The following TJP1 variants were observed in gnomAD, a reference collection of about 807,000 sequenced individuals.
TJP1 encodes the protein tight junction protein ZO-1.
A neutral mutation model predicts 194.2 loss-of-function variants in TJP1; 43 were observed. The observed-to-expected ratio is 0.22, with a 90% confidence interval of 0.17 to 0.29. The LOEUF is 0.29. Ranked by LOEUF, TJP1 falls within the 10% of genes least tolerant of loss-of-function variation. The pLI, the probability that TJP1 is intolerant of heterozygous loss-of-function variation, is 1.00. For synonymous variants in TJP1, 801 were observed against 779.0 expected (o/e 1.03, Z -0.47); for missense variants, 1,971 against 2,185.7 (o/e 0.90, Z 1.96).
intron 12 of TJP1, among the ~76,000 whole-genome samples, chr15:29,733,541 T>C (rs1490112063): frequency 2.0e-5 from 3 of 152,268 alleles, no homozygotes; most frequent in Non-Finnish European, 4.4e-5. Flanking sequence ...ATCAAGTAAC[T>C]TGTCAAAAGC....
At chr15:29,811,224 CT>C (rs1218873919) in intron 1 of TJP1, among the ~76,000 whole-genome samples, 4 of 151,954 alleles carry the variant, frequency 2.6e-5, no homozygotes, top group Admixed American at 1.3e-4. Flanking sequence ...GGATTTTGAT[CT>C]TTTACTCTAA....
chr15:29,959,224 C>A (rs979516728), intron 1 of TJP1, among the ~76,000 whole-genome samples: 1 of 151,280 alleles, frequency 6.6e-6, no homozygotes, highest in Non-Finnish European at 1.5e-5. Context: ...CTCCTGACCT[C>A]GTGATCTGCC....
intron 2 of TJP1, among the ~76,000 whole-genome samples, chr15:29,799,888 T>C (rs564213208): frequency 2.0e-5 from 3 of 152,316 alleles, no homozygotes; most frequent in South Asian, 2.1e-4. Flanking sequence ...GGCCAGTATT[T>C]AAATATTCTC....
intron 2 of TJP1, among the ~76,000 whole-genome samples, chr15:29,941,982 T>C (rs1456305066): frequency 6.6e-6 from 1 of 152,116 alleles, no homozygotes; most frequent in Non-Finnish European, 1.5e-5. Flanking sequence ...GGCTGCGGTC[T>C]CCATGCCCGC....
At position 29,705,734 on chromosome 15, in the gene TJP1, A is replaced by T. The variant is rs2041855637; in HGVS notation, c.4862T>A (p.Val1621Glu). Residue 1621 changes from valine (V) to glutamate (E), a missense_variant, in exon 26 of 28, where the codon GTG becomes GAG. By Grantham distance (121) the Val-to-Glu change is moderately radical. Coordinates refer to ENST00000614355, the MANE Select transcript of TJP1 (RefSeq NM_001330239.4). ...ACCATCTTCATCTTCATCCTCTTCC[A>T]CAGCTGAAGGACTGAAAGTTCAGAA... ...PKAIPVSPSA[V>E]EEDEDEDGHT... 6.2e-7 allele frequency: 1 copy of T among 1,613,966 alleles called. No individual in the cohort carries two copies. Among genetic ancestry groups the T allele is most frequent in the African/African-American group, 1.3e-5 (1 of 74,920 alleles).
chr15:29,890,126 G>T (rs1439786617), intron 2 of TJP1, among the ~76,000 whole-genome samples: 1 of 152,186 alleles, frequency 6.6e-6, no homozygotes, highest in African/African-American at 2.4e-5. Context: ...CCATGGGCCA[G>T]AGAGTGGCCA....
In TJP1 at chr15:29,718,468, G is replaced by C. The variant is rs1179454572; in HGVS notation, c.3674C>G (p.Pro1225Arg). The change falls in exon 21 of 28, where the codon CCG becomes CGG. Residue 1225 changes from proline to arginine, a missense_variant. By Grantham distance (103) the Pro-to-Arg change is moderately radical. Coordinates refer to ENST00000614355, the MANE Select transcript of TJP1 (RefSeq NM_001330239.4). ...CTTATGCTGAGATGAAGGTATCAGC[G>C]GAGGGACAGCTGCAGCACCATGGAG... is the stretch of plus-strand genomic sequence containing the variant. ...EPLHGAAAVP[P>R]LIPSSQHKPE... 2 of 1,614,036 alleles carry C rather than the reference G, an allele frequency of 1.2e-6. No individual in the cohort carries two copies. Among genetic ancestry groups the C allele is most frequent in the Admixed American group, 3.3e-5 (2 of 59,988 alleles).
intron 2 of TJP1, among the ~76,000 whole-genome samples, chr15:29,853,970 GCATCAC>G (rs2051745927): frequency 6.6e-6 from 1 of 152,052 alleles, no homozygotes; most frequent in African/African-American, 2.4e-5. Context: ...TACTTTCACC[GCATCAC>G]CACTAGATTT....
At chr15:29,870,737 C>A (rs1039140069) in intron 2 of TJP1, among the ~76,000 whole-genome samples, 2 of 152,182 alleles carry the variant, frequency 1.3e-5, no homozygotes, top group Non-Finnish European at 2.9e-5. Flanking sequence ...GGAAGACTAA[C>A]GATTCTGCCT....
chr15:29,788,345 G>T (rs992030466), intron 2 of TJP1, among the ~76,000 whole-genome samples: 1 of 152,198 alleles, frequency 6.6e-6, no homozygotes, highest in Middle Eastern at 3.4e-3. Context: ...CCCTTTTGTT[G>T]CTTATACTTT....
chr15:29,820,605 T>C (rs1317494312), intron 1 of TJP1: 2 of 716,122 alleles, frequency 2.8e-6, no homozygotes, highest in Non-Finnish European at 5.2e-6. Flanking sequence ...GTCTTGCATA[T>C]TAAGTACCAG....
chr15:29,763,344 A>G (rs1270375131), intron 5 of TJP1, among the ~76,000 whole-genome samples: 1 of 152,220 alleles, frequency 6.6e-6, no homozygotes, highest in Non-Finnish European at 1.5e-5. Context: ...TGTCAATAGT[A>G]AAAGGATTGC....
chr15:29,850,969 C>G (rs1013519076), intron 2 of TJP1, among the ~76,000 whole-genome samples: 2 of 152,066 alleles, frequency 1.3e-5, no homozygotes, highest in African/African-American at 4.8e-5. Flanking sequence ...GAAACGCTGT[C>G]TCTACTAAAA....
At position 29,708,916 on chromosome 15, in the gene TJP1, A is replaced by G; in HGVS notation, c.4493T>C (p.Phe1498Ser). ...ATCTGGAAAACTTTTCTGGGGATAGAAAGCTGCCTGAGCAGTATCTTCTCG... is the reference window on the plus strand; with the variant it reads ...ATCTGGAAAACTTTTCTGGGGATAGGAAGCTGCCTGAGCAGTATCTTCTCG... ...PNREDTAQAA[F>S]YPQKSFPDKA... Residue 1498 changes from phenylalanine to serine, a missense_variant, in exon 25 of 28, where the codon TTC becomes TCC. By Grantham distance (155) the Phe-to-Ser change is radical. Transcript: ENST00000614355. The G allele has an allele frequency of 1.2e-6, 2 of 1,614,150 alleles. No homozygotes were observed. Among genetic ancestry groups the G allele is most frequent in the East Asian group, 4.5e-5 (2 of 44,878 alleles).
At chr15:29,837,135 T>C (rs977233993) in intron 2 of TJP1, among the ~76,000 whole-genome samples, 1 of 152,258 alleles carries the variant, frequency 6.6e-6, no homozygotes, top group Non-Finnish European at 1.5e-5. Context: ...TTTACTTTTC[T>C]GTAACATAAA....
chr15:29,899,410 T>C (rs1230543947), intron 2 of TJP1, among the ~76,000 whole-genome samples: 1 of 152,236 alleles, frequency 6.6e-6, no homozygotes, highest in African/African-American at 2.4e-5. Flanking sequence ...TAATCATATG[T>C]TATCCTCCAA....
At chr15:29,806,961 G>A (rs918496965) in intron 1 of TJP1, among the ~76,000 whole-genome samples, 2 of 152,036 alleles carry the variant, frequency 1.3e-5, no homozygotes, top group African/African-American at 4.8e-5. Context: ...CAAACTTCAT[G>A]AATAGAAGAT....
chr15:29,935,361 TTG>T (rs1408644700), intron 2 of TJP1, among the ~76,000 whole-genome samples: 1 of 152,212 alleles, frequency 6.6e-6, no homozygotes, highest in Non-Finnish European at 1.5e-5. Flanking sequence ...CTCTAAGCCC[TTG>T]TGTCTTGTAG....
intron 23 of TJP1, among the ~76,000 whole-genome samples, chr15:29,711,758 C>T (rs1403819080): frequency 6.6e-6 from 1 of 152,208 alleles, no homozygotes; most frequent in African/African-American, 2.4e-5. Flanking sequence ...CAAACTTTTT[C>T]ACTGAAACAC....
Sources: gnomAD v4.1 joint callset for allele counts (sites outside exome capture counted in the v4.1 genomes callset) on GRCh38, gnomAD v4.1.1 for gene constraint, MANE v1.5 for transcripts, NCBI Gene and HGNC (gene_info 2026-07-23, HGNC 2026-07-21) for gene names.